ISYNA1: variants seen among roughly 807,000 people sequenced by gnomAD.
The protein encoded by ISYNA1 is MI-1-P synthase.
In ISYNA1, 34 loss-of-function variants were observed where a neutral mutation model predicts 50.3. That is an observed-to-expected ratio of 0.68 (90% CI 0.51 to 0.90). The LOEUF is 0.90. ISYNA1 is among the 40% of genes least tolerant of loss of function. The probability of loss-of-function intolerance (pLI) is 0.00; values close to 1 mark genes in which losing one functional copy is unlikely to be tolerated. For synonymous variants in ISYNA1, 396 were observed against 349.9 expected (o/e 1.13, Z -1.47); for missense variants, 718 against 784.8 (o/e 0.91, Z 1.02).
chr19:18,435,223 G>T lies in ISYNA1; in HGVS notation c.1472+43C>A, dbSNP rs765875231. 3.8e-6 allele frequency: 6 copies of T among 1,597,208 alleles called. No homozygotes were observed. The Middle Eastern group carries it at 5.1e-4, about 135-fold the overall frequency. ...AGCCCTGTGCATAGCTTAGCCAGGGGGGTATCTGGGCCCCGGGCGGGAACC... is the reference window on the plus strand; with the variant it reads ...AGCCCTGTGCATAGCTTAGCCAGGGTGGTATCTGGGCCCCGGGCGGGAACC... On this transcript the variant is annotated intron_variant, in intron 10 of 10. Transcript: ENST00000338128.
In ISYNA1 at chr19:18,436,193, C is replaced by T. The variant is rs746594892; in HGVS notation, c.814G>A (p.Gly272Ser). ...GGAGACCCATTGAGGAAGGCACAGC[C>T]CTCCAGGATGCTGGCCACGGCGAAG... ...TLFAVASILE[G>S]CAFLNGSPQN... The change falls in exon 7 of 11, where the codon GGC (glycine) becomes AGC (serine). Residue 272 changes from glycine to serine, a missense_variant. Transcript: ENST00000338128. The T allele has an allele frequency of 3.1e-6, 5 of 1,611,446 alleles. No individual in the cohort carries two copies. The highest frequency in any genetic ancestry group is 3.4e-6 in the Non-Finnish European group (4 of 1,179,998).
At chr19:18,437,545 C>T (rs1974111839) in intron 3 of ISYNA1, 54 bp downstream of exon 3, 2 of 1,328,876 alleles carry the variant, frequency 1.5e-6, no homozygotes, top group Non-Finnish European at 2.0e-6. Flanking sequence ...CCCGCCCCCG[C>T]CCGCAAGGAC....
intron 2 of ISYNA1, 23 bp downstream of exon 2, chr19:18,437,837 C>A (rs748507768): frequency 1.9e-6 from 3 of 1,610,950 alleles, no homozygotes; most frequent in Non-Finnish European, 2.5e-6. Flanking sequence ...CAGCACGCCT[C>A]CTTCCTCAGC....
rs766522486 is a variant in ISYNA1, at chr19:18,436,256, A to C, written c.760-9T>G. On this transcript the variant is annotated splice_polypyrimidine_tract_variant and intron_variant, in intron 6 of 10. Coordinates refer to ENST00000338128, the MANE Select transcript of ISYNA1 (RefSeq NM_016368.5). ...GACACCTCCAGACCGAGCTGTGGGC[A>C]AGGCGGGCAGTCAGCACAGAGCTGT... 5.6e-6 allele frequency: 9 copies of C among 1,607,876 alleles called. No individual in the cohort carries two copies. The highest frequency in any genetic ancestry group is 7.6e-6 in the Non-Finnish European group (9 of 1,179,816).
chr19:18,435,095 G>A lies in ISYNA1; in HGVS notation c.1495C>T (p.Gln499Ter). Reference protein sequence around the residue: ...ILRACVGLPPQNHMLLEHKME... With the variant: ...ILRACVGLPP Reference sequence around the variant, plus strand: ...TTGTGTTCCAGGAGCATGTGGTTCTGTGGCGGGAGCCCCACGCAGGCCCTG... The same window carrying A: ...TTGTGTTCCAGGAGCATGTGGTTCTATGGCGGGAGCCCCACGCAGGCCCTG... Residue 499 changes from glutamine to a stop codon, truncating the protein, a stop_gained, in exon 11 of 11, where the codon CAG becomes TAG. Transcript: ENST00000338128. LOFTEE classifies it low-confidence loss of function (END_TRUNC). 6.2e-7 allele frequency: 1 copy of A among 1,613,424 alleles called. No homozygotes were observed. The highest frequency in any genetic ancestry group is 8.5e-7 in the Non-Finnish European group (1 of 1,179,994).
At position 18,436,048 on chromosome 19, in the gene ISYNA1, A is replaced by G. The variant is rs1568365407; in HGVS notation, c.959T>C (p.Ile320Thr). The change falls in exon 7 of 11, where the codon ATT becomes ACT. Residue 320 changes from isoleucine to threonine, a missense_variant. Transcript: ENST00000338128. Reference sequence around the variant, plus strand: ...CCCACGCACCTTGAGGCCGGAGCCAATGAGGAAGTCCACAAGCACGGACTT... The same window carrying G: ...CCCACGCACCTTGAGGCCGGAGCCAGTGAGGAAGTCCACAAGCACGGACTT... Reference protein sequence around the residue: ...KVKSVLVDFLIGSGLKTMSIV... With the variant: ...KVKSVLVDFLTGSGLKTMSIV... The G allele has an allele frequency of 1.2e-6, 2 of 1,613,404 alleles. No homozygotes were observed. The highest frequency in any genetic ancestry group is 1.7e-5 in the Admixed American group (1 of 60,016).
chr19:18,435,014 G>A lies in ISYNA1; in HGVS notation c.1576C>T (p.Pro526Ser). ...ACCGGTCCTTTCTTGTTCAACATAG[G>A]GTAGGTGGCAGCCACGGGTCCAACT... Reference protein sequence around the residue: ...KRVGPVAATYPMLNKKGPVPA... With the variant: ...KRVGPVAATYSMLNKKGPVPA... Residue 526 changes from proline (P) to serine (S), a missense_variant, in exon 11 of 11, where the codon CCT (proline) becomes TCT (serine). Physicochemically the swap from Pro to Ser is moderately conservative, Grantham distance 74 (BLOSUM62 -1). This residue lies in a region of ISYNA1 where 305 missense variants were observed against 292.6 expected (regional missense o/e 1.04). Coordinates refer to ENST00000338128, the MANE Select transcript of ISYNA1 (RefSeq NM_016368.5). The A allele has an allele frequency of 1.9e-6, 3 of 1,613,542 alleles. No homozygotes were observed. The highest frequency in any genetic ancestry group is 2.5e-6 in the Non-Finnish European group (3 of 1,179,990).
chr19:18,436,770 G>A lies in ISYNA1; in HGVS notation c.523C>T (p.Arg175Trp). 3 of 1,576,278 alleles carry A rather than the reference G, an allele frequency of 1.9e-6. No individual in the cohort carries two copies. Among genetic ancestry groups the A allele is most frequent in the East Asian group, 2.3e-5 (1 of 44,080 alleles). ...LWPHMEALRP[R>W]PSVYIPEFIA... is the part of the protein sequence containing the mutation. Reference sequence around the variant, plus strand: ...AATTCGGGGATGTAAACAGAAGGCCGGGGCCGCAGGGCCTCCATGTGCGGC... The same window carrying A: ...AATTCGGGGATGTAAACAGAAGGCCAGGGCCGCAGGGCCTCCATGTGCGGC... Residue 175 changes from arginine (R) to tryptophan (W), a missense_variant, in exon 5 of 11, where the codon CGG becomes TGG. Transcript: ENST00000338128.
Position 18,434,716 on chromosome 19 carries a change from C to T in ISYNA1, c.*197G>A, listed in dbSNP as rs1309704880. The T allele has an allele frequency of 1.7e-6, 1 of 601,070 alleles. No individual in the cohort carries two copies. The highest frequency in any genetic ancestry group is 2.9e-6 in the Non-Finnish European group (1 of 339,572). The allele number at this position is 601,070 out of a possible 1,614,324, so 37.2% of individuals were successfully genotyped here. ...TCTCCCTGGGAGTTGGGGTGATGAC[C>T]ATGGGCAGAGGGGATGGGACTGAAG... is the stretch of plus-strand genomic sequence containing the variant. On this transcript the variant is annotated 3_prime_UTR_variant, in exon 11 of 11. Transcript: ENST00000338128.
chr19:18,434,393 T>C lies in ISYNA1; in HGVS notation c.*520A>G, dbSNP rs1454408892. 7.3e-7 allele frequency: 1 copy of C among 1,375,468 alleles called. No individual in the cohort carries two copies. Among genetic ancestry groups the C allele is most frequent in the African/African-American group, 1.5e-5 (1 of 67,396 alleles). 85.2% of individuals were successfully genotyped at this position (1,375,468 alleles called of 1,614,324 possible). A position where few individuals can be genotyped will look rare whatever the true frequency, so the allele number is the denominator to read the frequency against. On this transcript the variant is annotated 3_prime_UTR_variant, in exon 11 of 11. Coordinates refer to ENST00000338128, the MANE Select transcript of ISYNA1 (RefSeq NM_016368.5). ...CTGGGAGGCCCCACACGAAAGACTC[T>C]TACCATTTTATTAAAAACGCAAGGA...
In ISYNA1 at chr19:18,434,832, G is replaced by A. The variant is rs1465434622; in HGVS notation, c.*81C>T. 2.0e-5 allele frequency: 24 copies of A among 1,186,468 alleles called. No homozygotes were observed. The highest frequency in any genetic ancestry group is 8.7e-5 in the South Asian group (7 of 80,034). The allele number at this position is 1,186,468 out of a possible 1,614,324, so 73.5% of individuals were successfully genotyped here. ...GGTGGAAGGAGGGCTGAGTGGCAGC[G>A]CCTTTATTTGTGGGGGCCTTCAAGG... On this transcript the variant is annotated 3_prime_UTR_variant, in exon 11 of 11. Coordinates refer to ENST00000338128, the MANE Select transcript of ISYNA1 (RefSeq NM_016368.5).
At chr19:18,437,784 T>C in intron 2 of ISYNA1, 24 bp from the exon 3 acceptor site, 1 of 1,596,216 alleles carries the variant, frequency 6.3e-7, no homozygotes, top group Non-Finnish European at 8.5e-7. Flanking sequence ...GCGCAGTGAA[T>C]CCCGGGTCCC....
Position 18,435,421 on chromosome 19 carries a change from G to A in ISYNA1, c.1317C>T (p.Arg439=), listed in dbSNP as rs376478643. ...DLALLTELCQ[R]VSFCTDMDPE... The stretch of plus-strand genomic sequence containing the variant: ...GGTCCATGTCAGTGCAGAAGCTCAC[G>A]CGCTGGCACAGCTCGGTCAGCAGCG... The change falls in exon 10 of 11, where the codon CGC becomes CGT. Residue 439 remains arginine (R), a synonymous_variant. Transcript: ENST00000338128. 45 of 1,610,684 alleles carry A rather than the reference G, an allele frequency of 2.8e-5. No individual in the cohort carries two copies. Among genetic ancestry groups the A allele is most frequent in the Non-Finnish European group, 3.5e-5 (41 of 1,179,922 alleles).
intron 5 of ISYNA1, 61 bp downstream of exon 5, chr19:18,436,623 G>C (rs770712032): frequency 5.0e-6 from 8 of 1,598,140 alleles, no homozygotes; most frequent in Non-Finnish European, 6.8e-6. Context: ...GGGGCAAAAA[G>C]AGGGAACCAA....
Position 18,435,501 on chromosome 19 carries a change from C to T in ISYNA1, c.1255-18G>A, listed in dbSNP as rs1568364244. The T allele has an allele frequency of 1.9e-6, 3 of 1,608,012 alleles. No individual in the cohort carries two copies. The highest frequency in any genetic ancestry group is 4.5e-5 in the East Asian group (2 of 44,818). On this transcript the variant is annotated intron_variant, in intron 9 of 10. Coordinates refer to ENST00000338128, the MANE Select transcript of ISYNA1 (RefSeq NM_016368.5). ...AGCGAGTCCTGCGGGGCGGGTGGGT[C>T]AGGAGATGGGGGCGGTGGCCAAGCC...
In ISYNA1 at chr19:18,435,367, C is replaced by G. The variant is rs1600389069; in HGVS notation, c.1371G>C (p.Leu457=). 2 of 1,611,290 alleles carry G rather than the reference C, an allele frequency of 1.2e-6. No homozygotes were observed. The highest frequency in any genetic ancestry group is 1.6e-4 in the Middle Eastern group (1 of 6,062). ...DPEPQTFHPV[L]SLLSFLFKAP... ...CCTTGAAGAGGAAGCTGAGCAGGGA[C>G]AGCACGGGGTGGAAGGTCTGCGGCT... is the stretch of plus-strand genomic sequence containing the variant. Residue 457 remains leucine, a synonymous_variant, in exon 10 of 11, where the codon CTG becomes CTC. Coordinates refer to ENST00000338128, the MANE Select transcript of ISYNA1 (RefSeq NM_016368.5).
chr19:18,435,268 G>A lies in ISYNA1; in HGVS notation c.1470C>T (p.Leu490=). The part of the protein sequence containing the change: ...FRQRSCIENI[L]RACVGLPPQN... ...GGAACCTGGAGGCTGGGGTGCACCT[G>A]AGGATGTTCTCGATGCAGCTGCGCT... The change falls in exon 10 of 11, where the codon CTC becomes CTT. Residue 490 remains leucine, a splice_region_variant and synonymous_variant. Coordinates refer to ENST00000338128, the MANE Select transcript of ISYNA1 (RefSeq NM_016368.5). 6.2e-7 allele frequency: 1 copy of A among 1,605,158 alleles called. No individual in the cohort carries two copies. Among genetic ancestry groups the A allele is most frequent in the Non-Finnish European group, 8.5e-7 (1 of 1,178,866 alleles).
At position 18,438,121 on chromosome 19, in the gene ISYNA1, G is replaced by A. The variant is rs905375357; in HGVS notation, c.-38C>T. 10 of 895,478 alleles carry A rather than the reference G, an allele frequency of 1.1e-5. No homozygotes were observed. The African/African-American group carries it at 1.8e-4, about 16-fold the overall frequency. 55.5% of individuals were successfully genotyped at this position (895,478 alleles called of 1,614,324 possible). On this transcript the variant is annotated 5_prime_UTR_variant, in exon 1 of 11. Transcript: ENST00000338128. ...CGCAGAGTCGACTCAGGCAGCGGCG[G>A]CGGACAGCGCGGGCTCTCGGGCGCG...
chr19:18,436,607 C>CG (rs1974059033), intron 5 of ISYNA1, 77 bp downstream of exon 5: 1 of 1,598,522 alleles, frequency 6.3e-7, no homozygotes, highest in South Asian at 1.1e-5. Context: ...CCTGGATTCG[C>CG]GGGGTGGGGC....
Sources: gnomAD v4.1 joint callset for allele counts on GRCh38, gnomAD v4.1.1 for gene constraint, gnomAD v4.1.1 regional missense constraint, MANE v1.5 for transcripts, NCBI Gene and HGNC (gene_info 2026-07-23, HGNC 2026-07-21) for gene names.